The following ZDHHC14 variants were observed in gnomAD, a reference collection of about 807,000 sequenced individuals.
The protein encoded by ZDHHC14 is palmitoyltransferase ZDHHC14.
ZDHHC14 carries 16 observed loss-of-function variants against 47.7 expected under a neutral mutation model. That is an observed-to-expected ratio of 0.34 (90% confidence interval 0.23 to 0.51). ZDHHC14 has a LOEUF of 0.51. Ranked by LOEUF, ZDHHC14 falls within the 20% of genes least tolerant of loss-of-function variation. The pLI is 0.97. For synonymous variants in ZDHHC14, 293 were observed against 278.9 expected (o/e 1.05, Z -0.50); for missense variants, 515 against 662.5 (o/e 0.78, Z 2.44).
chr6:157,385,798 G>A (rs529697061), intron 1 of ZDHHC14, among the ~76,000 whole-genome samples: 7 of 152,348 alleles, frequency 4.6e-5, no homozygotes, highest in African/African-American at 1.7e-4. Context: ...GCTGCTCCTC[G>A]TTCAAGTCTA....
chr6:157,385,843 A>G (rs1392055136), intron 1 of ZDHHC14, among the ~76,000 whole-genome samples: 1 of 152,256 alleles, frequency 6.6e-6, no homozygotes, highest in East Asian at 1.9e-4. Context: ...TTGGAAGGAC[A>G]GACCCTAAGA....
At chr6:157,483,036 C>A (rs1393800554) in intron 1 of ZDHHC14, among the ~76,000 whole-genome samples, 6 of 152,206 alleles carry the variant, frequency 3.9e-5, no homozygotes, top group Non-Finnish European at 7.3e-5. Flanking sequence ...GCCACCAGGC[C>A]TGGCCTTCAA....
intron 1 of ZDHHC14, among the ~76,000 whole-genome samples, chr6:157,460,128 G>A (rs534211732): frequency 3.1e-4 from 47 of 150,712 alleles, no homozygotes; most frequent in Middle Eastern, 3.5e-3. Context: ...GCCTGAACCC[G>A]GGAGGCAGAA....
chr6:157,567,596 A>G (rs376768960), intron 2 of ZDHHC14, among the ~76,000 whole-genome samples: 1 of 152,118 alleles, frequency 6.6e-6, no homozygotes, highest in Non-Finnish European at 1.5e-5. Context: ...CGGGTGGATC[A>G]CCCTGAGGTC....
intron 3 of ZDHHC14, among the ~76,000 whole-genome samples, chr6:157,610,431 CA>C (rs1244365176): frequency 6.6e-6 from 1 of 150,706 alleles, no homozygotes; most frequent in African/African-American, 2.4e-5. Context: ...GACTCCGTCT[CA>C]AAAAAATAAA....
intron 1 of ZDHHC14, among the ~76,000 whole-genome samples, chr6:157,490,014 G>C (rs1397011556): frequency 6.6e-6 from 1 of 152,168 alleles, no homozygotes; most frequent in Non-Finnish European, 1.5e-5. Context: ...GACAGACCTG[G>C]GAGGTGGAAT....
intron 1 of ZDHHC14, among the ~76,000 whole-genome samples, chr6:157,467,088 TC>T (rs1172949414): frequency 6.6e-6 from 1 of 152,148 alleles, no homozygotes; most frequent in African/African-American, 2.4e-5. Flanking sequence ...GGAAACACCA[TC>T]CGAGTTTTTA....
Position 157,635,149 on chromosome 6 carries a change from C to G in ZDHHC14, c.752+2267C>G, listed in dbSNP as rs189787838. Reference sequence around the variant, plus strand: ...GCTGGGATTACAGGTGCTGTGCCACCACACTTGGCTAATTTTTATATTTTA... The same window carrying G: ...GCTGGGATTACAGGTGCTGTGCCACGACACTTGGCTAATTTTTATATTTTA... On this transcript the variant is annotated intron_variant, in intron 5 of 8. Coordinates refer to ENST00000359775, the MANE Select transcript of ZDHHC14 (RefSeq NM_024630.3). Among the ~76,000 whole-genome samples, 112 of 152,314 alleles carry G rather than the reference C, an allele frequency of 7.4e-4. 1 individual carries two copies. The East Asian group carries it at 0.021, about 28-fold the overall frequency.
intron 1 of ZDHHC14, among the ~76,000 whole-genome samples, chr6:157,390,511 C>T (rs1429964723): frequency 2.0e-5 from 3 of 151,948 alleles, no homozygotes; most frequent in Non-Finnish European, 2.9e-5. Context: ...CCTGGAACTC[C>T]AGTTAATTAT....
At chr6:157,409,118 G>A (rs1383853400) in intron 1 of ZDHHC14, among the ~76,000 whole-genome samples, 1 of 152,236 alleles carries the variant, frequency 6.6e-6, no homozygotes, top group Non-Finnish European at 1.5e-5. Context: ...CGAGCTGCAA[G>A]GACACTGGGG....
chr6:157,460,814 C>T (rs568281298), intron 1 of ZDHHC14, among the ~76,000 whole-genome samples: 15 of 152,112 alleles, frequency 9.9e-5, no homozygotes, highest in Non-Finnish European at 8.8e-5. Context: ...AGACAGCAGG[C>T]GAGGAGGGTT....
In ZDHHC14 at chr6:157,586,183, C is replaced by T. The variant is rs897200053; in HGVS notation, c.407-6805C>T. On this transcript the variant is annotated intron_variant, in intron 2 of 8. Coordinates refer to ENST00000359775, the MANE Select transcript of ZDHHC14 (RefSeq NM_024630.3). The surrounding 1 kb of genome is among the most constrained non-coding windows in gnomAD (Gnocchi z 4.6). ...CTGAGTTCCTGCTGTGTCCCCAGCT[C>T]AGAGCCCAGGGCTGGCCCCCAGTAG... 6.6e-6 allele frequency among the ~76,000 whole-genome samples: 1 copy of T among 152,110 alleles called. No homozygotes were observed. Among genetic ancestry groups the T allele is most frequent in the Non-Finnish European group, 1.5e-5 (1 of 68,040 alleles).
chr6:157,403,898 A>AGCAGGTGCCTTG (rs1486944331), intron 1 of ZDHHC14, among the ~76,000 whole-genome samples: 1 of 152,242 alleles, frequency 6.6e-6, no homozygotes, highest in Admixed American at 6.5e-5. Flanking sequence ...AACCAACACC[A>AGCAGGTGCCTTG]GCAGGTGCCT....
At chr6:157,572,169 A>G (rs922942189) in intron 2 of ZDHHC14, among the ~76,000 whole-genome samples, 1 of 152,102 alleles carries the variant, frequency 6.6e-6, no homozygotes, top group Admixed American at 6.5e-5. Flanking sequence ...TGGGGCTGGA[A>G]CGTTCTTTGT....
chr6:157,428,270 G>A (rs1053364410), intron 1 of ZDHHC14, among the ~76,000 whole-genome samples: 7 of 152,024 alleles, frequency 4.6e-5, no homozygotes, highest in East Asian at 1.9e-4. Flanking sequence ...CCCACCCTCC[G>A]GTGCCCCGAC....
At chr6:157,653,428 G>A (rs1442925898) in intron 7 of ZDHHC14, 97 bp from the exon 8 acceptor site, 31 of 1,307,558 alleles carry the variant, frequency 2.4e-5, no homozygotes, top group South Asian at 3.8e-5. Context: ...GGCCTGTCAC[G>A]GGAAGAGGGA....
intron 1 of ZDHHC14, among the ~76,000 whole-genome samples, chr6:157,464,551 A>C (rs1057450080): frequency 1.4e-4 from 22 of 152,238 alleles, no homozygotes; most frequent in African/African-American, 5.1e-4. Context: ...CCTGTATATT[A>C]TGAAGTAGAT....
At chr6:157,444,808 C>T (rs1178982720) in intron 1 of ZDHHC14, among the ~76,000 whole-genome samples, 3 of 152,092 alleles carry the variant, frequency 2.0e-5, no homozygotes, top group South Asian at 2.1e-4. Flanking sequence ...CACTGAGGGC[C>T]GAGTGGAGGG....
intron 7 of ZDHHC14, among the ~76,000 whole-genome samples, chr6:157,649,222 G>A (rs551005027): frequency 2.2e-4 from 34 of 152,316 alleles, no homozygotes; most frequent in East Asian, 1.2e-3. Flanking sequence ...AACAGACGGC[G>A]ATTCATGAAT....
Sources: allele counts gnomAD v4.1 joint callset (sites outside exome capture counted in the v4.1 genomes callset), GRCh38; gene constraint gnomAD v4.1.1; non-coding constraint Gnocchi (gnomAD v3.1); transcripts MANE v1.5; gene names NCBI Gene and HGNC (gene_info 2026-07-23, HGNC 2026-07-21).